The following CDH4 variants were observed in gnomAD, a reference collection of about 807,000 sequenced individuals.
CDH4 encodes cadherin 4.
Under a neutral mutation model 86.0 loss-of-function variants are expected in CDH4, and 33 were observed. The ratio of observed to expected loss-of-function variants is 0.38; its 90% CI spans 0.29 to 0.51. CDH4 has a LOEUF of 0.51. Among genes scored for constraint, CDH4 ranks in the 20% least tolerant of loss-of-function variants. CDH4 has a pLI of 0.86. For synonymous variants in CDH4, 555 were observed against 549.4 expected (o/e 1.01, Z -0.14); for missense variants, 1,114 against 1,307.4 (o/e 0.85, Z 2.28).
At chr20:61,625,740 C>A (rs1446708435) in intron 2 of CDH4, among the ~76,000 whole-genome samples, 1 of 152,222 alleles carries the variant, frequency 6.6e-6, no homozygotes, top group Non-Finnish European at 1.5e-5. Context: ...CCAAGAGTTA[C>A]CATCATGGGT....
At chr20:61,867,907 G>T (rs1194269758) in intron 6 of CDH4, among the ~76,000 whole-genome samples, 1 of 152,196 alleles carries the variant, frequency 6.6e-6, no homozygotes, top group Non-Finnish European at 1.5e-5. Flanking sequence ...GATGACTCCG[G>T]CCATCTCAGA....
chr20:61,421,773 C>T (rs1334822019), intron 2 of CDH4, among the ~76,000 whole-genome samples: 8 of 152,162 alleles, frequency 5.3e-5, no homozygotes, highest in Non-Finnish European at 1.0e-4. Context: ...AAGCAGTGGC[C>T]CCCATCATTT....
At chr20:61,759,251 A>G (rs879303550) in intron 3 of CDH4, among the ~76,000 whole-genome samples, 2 of 152,222 alleles carry the variant, frequency 1.3e-5, no homozygotes, top group Non-Finnish European at 2.9e-5. Context: ...CATGGCTCTC[A>G]TTTAATATTT....
chr20:61,587,814 C>T (rs1346382107), intron 2 of CDH4, among the ~76,000 whole-genome samples: 1 of 152,166 alleles, frequency 6.6e-6, no homozygotes, highest in Non-Finnish European at 1.5e-5. Context: ...TTTAATTGCA[C>T]AAGCAACACA....
rs142925471 is a variant in CDH4 at position 61,516,528 on chromosome 20, G to A, written c.170-227035G>A. Among the ~76,000 whole-genome samples the A allele has an allele frequency of 3.7e-4, 56 of 152,234 alleles. No individual in the cohort carries two copies. In the East Asian group the frequency reaches 8.3e-3, roughly 23 times the overall value. Reference sequence around the variant, plus strand: ...GGGAGTCTAACGGCAGGTTCTCACCGCCCTGGAAACTACATCTGCCTCAGA... The same window carrying A: ...GGGAGTCTAACGGCAGGTTCTCACCACCCTGGAAACTACATCTGCCTCAGA... On this transcript the variant is annotated intron_variant, in intron 2 of 15. Transcript: ENST00000614565. This position sits in a 1 kb window ranked among gnomAD's most constrained non-coding sequence, Gnocchi z 4.0.
At chr20:61,725,973 C>T (rs921510975) in intron 2 of CDH4, among the ~76,000 whole-genome samples, 4 of 152,212 alleles carry the variant, frequency 2.6e-5, no homozygotes, top group African/African-American at 4.8e-5. Context: ...GCCTGGCTTC[C>T]CTGAGTCCCA....
chr20:61,573,900 C>T (rs1376308888), intron 2 of CDH4, among the ~76,000 whole-genome samples: 1 of 152,236 alleles, frequency 6.6e-6, no homozygotes, highest in Non-Finnish European at 1.5e-5. Context: ...GAGCTCCCCT[C>T]GCTCACCTCC....
Position 61,398,845 on chromosome 20 carries a change from G to A in CDH4, c.169+143908G>A, listed in dbSNP as rs549692602. The stretch of plus-strand genomic sequence containing the variant: ...ATTGTGTGTCCCCTTTCTCAGGCCA[G>A]CAGGTGTGACTGGTGTGCCCAGAGC... On this transcript the variant is annotated intron_variant, in intron 2 of 15. Transcript: ENST00000614565. Among the ~76,000 whole-genome samples, 16 of 152,340 alleles carry A rather than the reference G, an allele frequency of 1.1e-4. No individual in the cohort carries two copies. The South Asian group carries it at 3.3e-3, about 32-fold the overall frequency.
chr20:61,702,213 G>A (rs1161163968), intron 2 of CDH4, among the ~76,000 whole-genome samples: 1 of 152,190 alleles, frequency 6.6e-6, no homozygotes, highest in African/African-American at 2.4e-5. Context: ...AGCCCAGCTG[G>A]CCGCCTCATA....
rs988673035 is a variant in CDH4 at position 61,709,716 on chromosome 20, C to T, written c.170-33847C>T. On this transcript the variant is annotated intron_variant, in intron 2 of 15. Coordinates refer to ENST00000614565, the MANE Select transcript of CDH4 (RefSeq NM_001794.5). The surrounding 1 kb of genome is among the most constrained non-coding windows in gnomAD (Gnocchi z 4.8). Reference sequence around the variant, plus strand: ...AAATGGAAGCAATATTGGTGATGCTCCACTCTACACACTTGCCACGTCCCC... The same window carrying T: ...AAATGGAAGCAATATTGGTGATGCTTCACTCTACACACTTGCCACGTCCCC... Among the ~76,000 whole-genome samples, 1 of 152,082 alleles carries T rather than the reference C, an allele frequency of 6.6e-6. No homozygotes were observed. Among genetic ancestry groups the T allele is most frequent in the Non-Finnish European group, 1.5e-5 (1 of 68,028 alleles).
intron 2 of CDH4, among the ~76,000 whole-genome samples, chr20:61,660,668 T>C (rs1180466011): frequency 1.3e-5 from 2 of 152,070 alleles, no homozygotes; most frequent in African/African-American, 4.8e-5. Context: ...ACCCTCTGAG[T>C]GGGATGCGAC....
intron 2 of CDH4, among the ~76,000 whole-genome samples, chr20:61,329,816 T>G (rs568100942): frequency 5.9e-5 from 9 of 152,234 alleles, no homozygotes; most frequent in African/African-American, 9.6e-5. Context: ...CTACGTGCAT[T>G]AGCTATTTAT....
intron 4 of CDH4, among the ~76,000 whole-genome samples, chr20:61,826,999 GTGTGTGTGTGTA>G (rs945110116): frequency 6.6e-6 from 1 of 150,534 alleles, no homozygotes; most frequent in African/African-American, 2.4e-5. Flanking sequence ...GTGTGTGTGT[GTGTGTGTGTGTA>G]TGTGTTTCCT....
In CDH4 at chr20:61,763,707, C is replaced by T. The variant is rs1022833050; in HGVS notation, c.397-9296C>T. On this transcript the variant is annotated intron_variant, in intron 3 of 15. Transcript: ENST00000614565. ...ACTCTGGGAGTTTCTGCATGGAAGC[C>T]GGGTCTTGGTGGCTGCCCTCCCCCA... Among the ~76,000 whole-genome samples, 3 of 152,072 alleles carry T rather than the reference C, an allele frequency of 2.0e-5. No individual in the cohort carries two copies. In the East Asian group the frequency reaches 5.8e-4, roughly 29 times the overall value.
rs546609481 is a variant in CDH4 at position 61,663,057 on chromosome 20, A to T, written c.170-80506A>T. Reference sequence around the variant, plus strand: ...ATGGCCCTGACTCACCTCCCCCTCCACCATGGTATTGATGACAATGCTGCC... The same window carrying T: ...ATGGCCCTGACTCACCTCCCCCTCCTCCATGGTATTGATGACAATGCTGCC... On this transcript the variant is annotated intron_variant, in intron 2 of 15. Transcript: ENST00000614565. This position sits in a 1 kb window ranked among gnomAD's most constrained non-coding sequence, Gnocchi z 5.0. 6.6e-6 allele frequency among the ~76,000 whole-genome samples: 1 copy of T among 151,928 alleles called. No homozygotes were observed. Among genetic ancestry groups the T allele is most frequent in the Admixed American group, 6.6e-5 (1 of 15,250 alleles).
At chr20:61,253,784 C>T (rs1171477071) in intron 1 of CDH4, among the ~76,000 whole-genome samples, 1 of 152,100 alleles carries the variant, frequency 6.6e-6, no homozygotes, top group Non-Finnish European at 1.5e-5. Flanking sequence ...GAGCTCCGGG[C>T]TGGGGGCGGC....
At chr20:61,431,571 G>T (rs1307402986) in intron 2 of CDH4, among the ~76,000 whole-genome samples, 1 of 152,000 alleles carries the variant, frequency 6.6e-6, no homozygotes, top group Non-Finnish European at 1.5e-5. Context: ...TGTTGCCCAG[G>T]CTGGTCTCAA....
intron 4 of CDH4, among the ~76,000 whole-genome samples, chr20:61,787,071 C>G (rs1978916902): frequency 6.6e-6 from 1 of 152,134 alleles, no homozygotes; most frequent in Non-Finnish European, 1.5e-5. Flanking sequence ...TGACAGCAGG[C>G]TGTGGTGGCC....
intron 2 of CDH4, among the ~76,000 whole-genome samples, chr20:61,580,574 A>G (rs115478464): frequency 0.026 from 3,920 of 152,288 alleles, 169 homozygotes; most frequent in African/African-American, 0.079. Context: ...AGCAGCGTGC[A>G]TGGCCCTTCT....
Sources: gnomAD v4.1 joint callset for allele counts (sites outside exome capture counted in the v4.1 genomes callset) on GRCh38, gnomAD v4.1.1 for gene constraint, Gnocchi (gnomAD v3.1) non-coding constraint, MANE v1.5 for transcripts, NCBI Gene and HGNC (gene_info 2026-07-23, HGNC 2026-07-21) for gene names.